The following NXPE3 variants were observed in gnomAD, a reference collection of about 807,000 sequenced individuals.
NXPE3 encodes neurexophilin and PC-esterase domain family member 3, also known as NXPE family member 3.
Under a neutral mutation model 46.1 loss-of-function variants are expected in NXPE3, and 26 were observed. The observed-to-expected ratio is 0.56, with a 90% CI of 0.41 to 0.78. The LOEUF (loss-of-function observed/expected upper bound fraction) is 0.78, where lower values mean the gene tolerates loss of function less well. Ranked by LOEUF, NXPE3 falls within the 30% of genes least tolerant of loss-of-function variation. The pLI, the probability that NXPE3 is intolerant of heterozygous loss-of-function variation, is 0.00. For synonymous variants in NXPE3, 272 were observed against 257.9 expected (o/e 1.05, Z -0.52); for missense variants, 620 against 686.0 (o/e 0.90, Z 1.07).
chr3:101,802,156 C>T (rs1190702603), intron 5 of NXPE3, among the ~76,000 whole-genome samples, 167 bp downstream of exon 5: 1 of 151,726 alleles, frequency 6.6e-6, no homozygotes, highest in African/African-American at 2.4e-5. Context: ...TTGTATTTTT[C>T]ATTAGTGTTT....
rs111580124 is a variant in NXPE3 at position 101,792,174 on chromosome 3, A to C, written c.93+6485A>C. On this transcript the variant is annotated intron_variant, in intron 4 of 7. Transcript: ENST00000273347. ...ACACTGGATATTAGACCTTTGTCAG[A>C]TGCATAGTTTGCAAATATTTTCTAC... 1.2e-4 allele frequency among the ~76,000 whole-genome samples: 19 copies of C among 152,302 alleles called. 1 individual carries two copies. Among genetic ancestry groups the C allele is most frequent in the African/African-American group, 4.6e-4 (19 of 41,560 alleles).
At chr3:101,819,258 T>C (rs1332378084) in intron 7 of NXPE3, among the ~76,000 whole-genome samples, 4 of 152,168 alleles carry the variant, frequency 2.6e-5, no homozygotes, top group African/African-American at 9.7e-5. Flanking sequence ...AGGGAATATT[T>C]AGGGATATGA....
chr3:101,818,524 T>C (rs948326678), intron 7 of NXPE3, among the ~76,000 whole-genome samples: 1 of 151,692 alleles, frequency 6.6e-6, no homozygotes, highest in Non-Finnish European at 1.5e-5. Flanking sequence ...CAGACATATC[T>C]TCACCTGATA....
At chr3:101,782,538 T>G (rs1193345525) in intron 2 of NXPE3, 122 bp from the exon 3 acceptor site, 1 of 152,178 alleles carries the variant, frequency 6.6e-6, no homozygotes, top group African/African-American at 2.4e-5. Flanking sequence ...AATCTTTCAG[T>G]TTAAGTTGAA....
intron 6 of NXPE3, among the ~76,000 whole-genome samples, chr3:101,812,668 C>T (rs571811511): frequency 5.5e-4 from 83 of 151,700 alleles, no homozygotes; most frequent in East Asian, 1.4e-3. Flanking sequence ...AAAAACTAGC[C>T]GGGCGTGGTG....
rs3796278 is a variant in NXPE3 at position 101,779,233 on chromosome 3, A to G, written c.-589A>G. Reference sequence around the variant, plus strand: ...GGTGAGGAGACGTCGCCGGGTGAGGAAGCGGGGGGCTAGCGGCCTGGCGCT... The same window carrying G: ...GGTGAGGAGACGTCGCCGGGTGAGGGAGCGGGGGGCTAGCGGCCTGGCGCT... On this transcript the variant is annotated 5_prime_UTR_variant, in exon 1 of 8. Transcript: ENST00000273347. 0.083 allele frequency: 12,623 copies of G among 152,272 alleles called. 763 individuals are homozygous for G. The highest frequency in any genetic ancestry group is 0.2 in the East Asian group (1,023 of 5,180). 9.4% of individuals were successfully genotyped at this position (152,272 alleles called of 1,614,324 possible).
intron 1 of NXPE3, 176 bp from the exon 2 acceptor site, chr3:101,781,934 A>G (rs558221814): frequency 1.3e-5 from 2 of 152,318 alleles, no homozygotes; most frequent in East Asian, 3.9e-4. Context: ...TAAATAGACT[A>G]TTTAAATTAC....
chr3:101,822,132 A>G lies in NXPE3; in HGVS notation c.*178A>G, dbSNP rs1445502892. The G allele has an allele frequency of 5.1e-6, 3 of 592,008 alleles. No individual in the cohort carries two copies. Among genetic ancestry groups the G allele is most frequent in the African/African-American group, 1.9e-5 (1 of 54,038 alleles). 36.7% of individuals were successfully genotyped at this position (592,008 alleles called of 1,614,324 possible). A position where few individuals can be genotyped will look rare whatever the true frequency, so the allele number is the denominator to read the frequency against. On this transcript the variant is annotated 3_prime_UTR_variant, in exon 8 of 8. Transcript: ENST00000273347. ...GAAAATGCAGGTTACATTTATATCT[A>G]CCTATAGGATTTTATCCAATGTTGA...
At chr3:101,785,183 G>A (rs1940081990) in intron 3 of NXPE3, among the ~76,000 whole-genome samples, 1 of 152,132 alleles carries the variant, frequency 6.6e-6, no homozygotes, top group Non-Finnish European at 1.5e-5. Context: ...TAGGCAATAG[G>A]GGAAATATTG....
chr3:101,822,196 A>G lies in NXPE3; in HGVS notation c.*242A>G, dbSNP rs970701801. ...GAACTCTTAACTGCATCTACACACT[A>G]TATTGCTCTTGTAACCAAAGATGCT... On this transcript the variant is annotated 3_prime_UTR_variant, in exon 8 of 8. Coordinates refer to ENST00000273347, the MANE Select transcript of NXPE3 (RefSeq NM_145037.4). The G allele has an allele frequency of 1.5e-5, 7 of 467,956 alleles. No homozygotes were observed. The highest frequency in any genetic ancestry group is 2.7e-5 in the Non-Finnish European group (7 of 261,870). 29.0% of individuals were successfully genotyped at this position (467,956 alleles called of 1,614,324 possible). A position where few individuals can be genotyped will look rare whatever the true frequency, so the allele number is the denominator to read the frequency against.
chr3:101,786,546 A>G (rs1293506921), intron 4 of NXPE3, among the ~76,000 whole-genome samples: 4 of 152,234 alleles, frequency 2.6e-5, no homozygotes, highest in East Asian at 1.9e-4. Flanking sequence ...GTTTGGTACT[A>G]TGGAGAATGT....
intron 6 of NXPE3, among the ~76,000 whole-genome samples, chr3:101,808,285 T>C (rs1016316056): frequency 9.8e-5 from 15 of 152,342 alleles, no homozygotes; most frequent in Non-Finnish European, 8.8e-5. Context: ...TGAATGTTAC[T>C]AGTGAGGCTT....
At chr3:101,794,014 T>C (rs1940674393) in intron 4 of NXPE3, among the ~76,000 whole-genome samples, 1 of 152,126 alleles carries the variant, frequency 6.6e-6, no homozygotes, top group Non-Finnish European at 1.5e-5. Flanking sequence ...AGGACAGTCC[T>C]TGGGCTCATC....
intron 1 of NXPE3, among the ~76,000 whole-genome samples, chr3:101,780,656 C>T (rs1939762143): frequency 6.6e-6 from 1 of 152,160 alleles, no homozygotes; most frequent in African/African-American, 2.4e-5. Flanking sequence ...TAAAAAGCTT[C>T]CACGATGATT....
At chr3:101,816,740 TC>T in intron 6 of NXPE3, 54 bp from the exon 7 acceptor site, 1 of 1,351,678 alleles carries the variant, frequency 7.4e-7, no homozygotes. Context: ...GGGACATTTT[TC>T]ATCTATTGTT....
chr3:101,801,211 T>C (rs1941120994), intron 4 of NXPE3, 24 bp from the exon 5 acceptor site: 1 of 1,577,866 alleles, frequency 6.3e-7, no homozygotes, highest in African/African-American at 1.4e-5. Flanking sequence ...TGGTAATTTC[T>C]GTTGTTTGTG....
chr3:101,825,085 G>T lies in NXPE3; in HGVS notation c.*3131G>T, dbSNP rs186420836. 6.6e-6 allele frequency: 1 copy of T among 152,050 alleles called. No individual in the cohort carries two copies. The allele number at this position is 152,050 out of a possible 1,614,324, so 9.4% of individuals were successfully genotyped here. A position where few individuals can be genotyped will look rare whatever the true frequency, so the allele number is the denominator to read the frequency against. On this transcript the variant is annotated 3_prime_UTR_variant, in exon 8 of 8. Transcript: ENST00000273347. ...TTACGTCATGGGGGTTTGTTGTATA[G>T]ATGATTTCATCACCCAGGTGTTAAG...
rs926799876 is a variant in NXPE3 at position 101,827,298 on chromosome 3, A to G, written c.*5344A>G. The G allele has an allele frequency of 6.6e-6, 1 of 152,162 alleles. No homozygotes were observed. Among genetic ancestry groups the G allele is most frequent in the Non-Finnish European group, 1.5e-5 (1 of 68,016 alleles). The allele number at this position is 152,162 out of a possible 1,614,324, so 9.4% of individuals were successfully genotyped here. A position where few individuals can be genotyped will look rare whatever the true frequency, so the allele number is the denominator to read the frequency against. On this transcript the variant is annotated 3_prime_UTR_variant, in exon 8 of 8. Coordinates refer to ENST00000273347, the MANE Select transcript of NXPE3 (RefSeq NM_145037.4). Reference sequence around the variant, plus strand: ...GAAGTGAAACTAAATGTCATAGGAGAAATCCTTTCAGTTTTGTGCAGTGGT... The same window carrying G: ...GAAGTGAAACTAAATGTCATAGGAGGAATCCTTTCAGTTTTGTGCAGTGGT...
intron 4 of NXPE3, among the ~76,000 whole-genome samples, chr3:101,789,083 T>C (rs944886306): frequency 3.3e-5 from 5 of 152,186 alleles, no homozygotes; most frequent in African/African-American, 1.2e-4. Flanking sequence ...TTTCATTTTC[T>C]GTATTTTTTC....
Sources: gnomAD v4.1 joint callset for allele counts (sites outside exome capture counted in the v4.1 genomes callset) on GRCh38, gnomAD v4.1.1 for gene constraint, MANE v1.5 for transcripts, NCBI Gene and HGNC (gene_info 2026-07-23, HGNC 2026-07-21) for gene names.